SLC9C1: variants seen among roughly 807,000 people sequenced by gnomAD.
The protein encoded by SLC9C1 is solute carrier family 9 member C1.
A neutral mutation model predicts 140.9 loss-of-function variants in SLC9C1; 97 were observed. That is an observed-to-expected ratio of 0.69 (90% CI 0.58 to 0.82). The LOEUF (loss-of-function observed/expected upper bound fraction) is 0.82, where lower values mean the gene tolerates loss of function less well. Among genes scored for constraint, SLC9C1 ranks in the 40% least tolerant of loss-of-function variants. The pLI is 0.00. For missense variants in SLC9C1, 1,340 were observed against 1,389.3 expected (o/e 0.96, Z 0.56); for synonymous variants, 440 against 442.6 (o/e 0.99, Z 0.07).
intron 9 of SLC9C1, among the ~76,000 whole-genome samples, chr3:112,263,843 C>T (rs1444382546): frequency 6.6e-6 from 1 of 151,728 alleles, no homozygotes; most frequent in African/African-American, 2.4e-5. Flanking sequence ...ATTTAAAAAG[C>T]AATTTCTAAC....
At chr3:112,275,345 G>C (rs1057182247) in intron 5 of SLC9C1, among the ~76,000 whole-genome samples, 1 of 152,122 alleles carries the variant, frequency 6.6e-6, no homozygotes, top group African/African-American at 2.4e-5. Flanking sequence ...GACAGAAAAT[G>C]ATGATTGAGG....
At chr3:112,270,749 G>C (rs1453283066) in intron 6 of SLC9C1, among the ~76,000 whole-genome samples, 6 of 152,028 alleles carry the variant, frequency 3.9e-5, no homozygotes, top group South Asian at 4.2e-4. Context: ...CTGGGAGGCA[G>C]AGGTTGTAGT....
At chr3:112,155,924 T>A (rs185007784) in intron 26 of SLC9C1, among the ~76,000 whole-genome samples, 58 of 152,310 alleles carry the variant, frequency 3.8e-4, no homozygotes, top group Admixed American at 2.7e-3. Flanking sequence ...ATATAATATT[T>A]TGATGCCTGT....
At chr3:112,279,586 C>T (rs2080305997) in intron 3 of SLC9C1, among the ~76,000 whole-genome samples, 3 of 152,108 alleles carry the variant, frequency 2.0e-5, no homozygotes, top group Non-Finnish European at 4.4e-5. Flanking sequence ...CTAAAAACTA[C>T]AAATAATTGG....
chr3:112,240,362 G>A (rs1296770302), intron 11 of SLC9C1, among the ~76,000 whole-genome samples: 1 of 152,192 alleles, frequency 6.6e-6, no homozygotes, highest in East Asian at 1.9e-4. Flanking sequence ...AGGTATAATG[G>A]TTAGTTTCAT....
intron 17 of SLC9C1, 109 bp from the exon 18 acceptor site, chr3:112,202,508 G>T (rs2077932727): frequency 9.3e-7 from 1 of 1,074,002 alleles, no homozygotes; most frequent in Non-Finnish European, 1.3e-6. Context: ...TGCCCTCAAA[G>T]GTAACTACAA....
intron 26 of SLC9C1, among the ~76,000 whole-genome samples, chr3:112,165,597 C>T (rs1323647865): frequency 6.6e-6 from 1 of 152,190 alleles, no homozygotes; most frequent in African/African-American, 2.4e-5. Flanking sequence ...TATTGGTGAA[C>T]AGCAAATGTT....
intron 14 of SLC9C1, among the ~76,000 whole-genome samples, 155 bp downstream of exon 14, chr3:112,220,973 T>A (rs568608740): frequency 6.6e-6 from 1 of 152,078 alleles, no homozygotes; most frequent in South Asian, 2.1e-4. Context: ...GGCCTGAGGG[T>A]GGGGTATAGA....
chr3:112,149,777 A>G (rs1343007058), intron 28 of SLC9C1, among the ~76,000 whole-genome samples: 1 of 151,912 alleles, frequency 6.6e-6, no homozygotes, highest in Non-Finnish European at 1.5e-5. Flanking sequence ...AACACCTGAG[A>G]TCTGCCTGGG....
At chr3:112,277,184 G>A (rs2080238328) in intron 5 of SLC9C1, among the ~76,000 whole-genome samples, 2 of 152,064 alleles carry the variant, frequency 1.3e-5, no homozygotes, top group African/African-American at 4.8e-5. Context: ...TTTAAATATA[G>A]ATAGATTTTT....
chr3:112,276,248 G>A (rs1051373353), intron 5 of SLC9C1, among the ~76,000 whole-genome samples: 2 of 152,076 alleles, frequency 1.3e-5, no homozygotes, highest in East Asian at 3.8e-4. Context: ...ATGGAAAAAT[G>A]TAAATATTCA....
intron 1 of SLC9C1, among the ~76,000 whole-genome samples, chr3:112,292,805 A>T (rs1439578104): frequency 6.6e-6 from 1 of 151,298 alleles, no homozygotes; most frequent in Non-Finnish European, 1.5e-5. Flanking sequence ...GGCCTCCCAA[A>T]GTGCTGGGAT....
chr3:112,210,603 C>G (rs938458732), intron 15 of SLC9C1, among the ~76,000 whole-genome samples: 9 of 152,174 alleles, frequency 5.9e-5, no homozygotes, highest in Non-Finnish European at 8.8e-5. Context: ...ATAAATAACA[C>G]TAAATTATAC....
chr3:112,287,000 C>T, intron 1 of SLC9C1, 122 bp from the exon 2 acceptor site: 2 of 432,026 alleles, frequency 4.6e-6, no homozygotes, highest in Admixed American at 4.2e-5. Context: ...TTTAGGGATG[C>T]CTCTCCCTTC....
intron 12 of SLC9C1, among the ~76,000 whole-genome samples, chr3:112,235,697 A>G (rs6767799): frequency 0.59 from 89,262 of 151,362 alleles, 26,790 homozygotes; most frequent in East Asian, 0.79. Context: ...GCATTTTGTC[A>G]AAGGCCTTTT....
At chr3:112,246,061 C>T (rs144445241) in intron 10 of SLC9C1, among the ~76,000 whole-genome samples, 46 of 152,076 alleles carry the variant, frequency 3.0e-4, no homozygotes, top group African/African-American at 4.1e-4. Flanking sequence ...TTTCAAAATA[C>T]GGTCATGTTG....
chr3:112,191,072 T>G (rs569143202), intron 20 of SLC9C1, among the ~76,000 whole-genome samples: 15 of 152,248 alleles, frequency 9.9e-5, no homozygotes, highest in Non-Finnish European at 1.9e-4. Context: ...CTTTGTATCC[T>G]ACAACTTTAC....
At chr3:112,191,874 T>A (rs2077667857) in intron 20 of SLC9C1, among the ~76,000 whole-genome samples, 1 of 152,090 alleles carries the variant, frequency 6.6e-6, no homozygotes, top group Non-Finnish European at 1.5e-5. Context: ...ATCTATCATT[T>A]CTTCCTAATA....
At chr3:112,199,088 G>A (rs1161335211) in intron 20 of SLC9C1, among the ~76,000 whole-genome samples, 1 of 150,892 alleles carries the variant, frequency 6.6e-6, no homozygotes, top group African/African-American at 2.4e-5. Flanking sequence ...TGGTTTGACA[G>A]CAAAGCAGAG....
Sources: allele counts gnomAD v4.1 joint callset (sites outside exome capture counted in the v4.1 genomes callset), GRCh38; gene constraint gnomAD v4.1.1; transcripts MANE v1.5; gene names NCBI Gene and HGNC (gene_info 2026-07-23, HGNC 2026-07-21).